HSDL2: variants seen among roughly 807,000 people sequenced by gnomAD.
HSDL2 encodes hydroxysteroid dehydrogenase-like protein 2.
Under a neutral mutation model 46.3 loss-of-function variants are expected in HSDL2, and 27 were observed. The ratio of observed to expected loss-of-function variants is 0.58; its 90% CI spans 0.43 to 0.80. The LOEUF (loss-of-function observed/expected upper bound fraction) is 0.80. HSDL2 is among the 30% of genes least tolerant of loss of function. The probability of loss-of-function intolerance (pLI) is 0.00; values close to 1 mark genes in which losing one functional copy is unlikely to be tolerated. For synonymous variants in HSDL2, 153 were observed against 163.6 expected, an observed-to-expected ratio of 0.94 and a Z score of 0.50; for missense variants, 451 against 502.7, an observed-to-expected ratio of 0.90 and a Z score of 0.98.
intron 8 of HSDL2, among the ~76,000 whole-genome samples, chr9:112,442,380 A>G (rs1419443152): frequency 2.0e-5 from 3 of 151,546 alleles, no homozygotes; most frequent in African/African-American, 7.3e-5. Flanking sequence ...TTTCTTTTGC[A>G]CTGTCTTTAG....
At chr9:112,449,407 T>G (rs1316449462) in intron 8 of HSDL2, among the ~76,000 whole-genome samples, 4 of 152,102 alleles carry the variant, frequency 2.6e-5, no homozygotes, top group Admixed American at 6.6e-5. Flanking sequence ...GTTTTAAAAA[T>G]TATTTTTCTT....
intron 1 of HSDL2, among the ~76,000 whole-genome samples, chr9:112,398,395 T>C (rs1375768158): frequency 6.6e-6 from 1 of 151,616 alleles, no homozygotes; most frequent in African/African-American, 2.4e-5. Flanking sequence ...AGGGAAGAGT[T>C]AGTATAGATA....
chr9:112,409,042 G>T (rs1234215535), intron 4 of HSDL2, 21 bp downstream of exon 4: 2 of 1,362,134 alleles, frequency 1.5e-6, no homozygotes, highest in Non-Finnish European at 1.0e-6. Context: ...AAGAAGAGTT[G>T]TTGGGGAGGA....
At position 112,429,237 on chromosome 9, in the gene HSDL2, A is replaced by G. The variant is rs147067807; in HGVS notation, c.599-9194A>G. Among the ~76,000 whole-genome samples, 566 of 152,270 alleles carry G rather than the reference A, an allele frequency of 3.7e-3. 6 individuals carry two copies. Among genetic ancestry groups the G allele is most frequent in the Middle Eastern group, 0.014 (4 of 294 alleles). ...ACATTCATTCATTTTCCAAACATTC[A>G]TTCTTACATGCCAGGCACAGTTCTC... On this transcript the variant is annotated intron_variant, in intron 6 of 10. Coordinates refer to ENST00000398805, the MANE Select transcript of HSDL2 (RefSeq NM_032303.5).
At chr9:112,461,428 A>G (rs148886834) in intron 10 of HSDL2, among the ~76,000 whole-genome samples, 219 of 152,294 alleles carry the variant, frequency 1.4e-3, no homozygotes, top group African/African-American at 5.1e-3. Flanking sequence ...TTCAACAACT[A>G]TTTCTCCATA....
intron 3 of HSDL2, among the ~76,000 whole-genome samples, chr9:112,406,978 T>C (rs1466121887): frequency 6.7e-6 from 1 of 149,190 alleles, no homozygotes; most frequent in Non-Finnish European, 1.5e-5. Context: ...TGGAGGACCA[T>C]ATGTACATGT....
chr9:112,439,259 A>G (rs1254005519), intron 7 of HSDL2, among the ~76,000 whole-genome samples: 3 of 152,206 alleles, frequency 2.0e-5, no homozygotes, highest in Non-Finnish European at 4.4e-5. Flanking sequence ...TGGCCTCCTA[A>G]AGTGTTAGGA....
At chr9:112,416,172 G>A (rs1424224560) in intron 4 of HSDL2, among the ~76,000 whole-genome samples, 1 of 151,714 alleles carries the variant, frequency 6.6e-6, no homozygotes, top group Non-Finnish European at 1.5e-5. Context: ...TACTTTGGGA[G>A]GCTGAGGCGG....
chr9:112,391,206 C>A (rs925195320), intron 1 of HSDL2, among the ~76,000 whole-genome samples: 1 of 132,810 alleles, frequency 7.5e-6, no homozygotes, highest in Non-Finnish European at 1.7e-5. Context: ...TAATAATTTT[C>A]TATAATCCCA....
intron 1 of HSDL2, among the ~76,000 whole-genome samples, chr9:112,382,589 T>G (rs952803706): frequency 1.3e-5 from 2 of 152,188 alleles, no homozygotes; most frequent in African/African-American, 4.8e-5. Context: ...TGGCATCTCG[T>G]GAGTAGAGTA....
chr9:112,381,224 A>G (rs971644007), intron 1 of HSDL2, among the ~76,000 whole-genome samples: 1 of 152,004 alleles, frequency 6.6e-6, no homozygotes, highest in East Asian at 1.9e-4. Context: ...GGGGTCTCCC[A>G]TGTTGCCCAG....
In HSDL2 at chr9:112,441,690, A is replaced by G; in HGVS notation, c.794-9A>G. On this transcript the variant is annotated splice_polypyrimidine_tract_variant and intron_variant, in intron 7 of 10. Transcript: ENST00000398805. Reference sequence around the variant, plus strand: ...ACATTAACCTAATGGTTTGGGGTCAATTTTTCAGGTCATCCTTTGCAACCA... The same window carrying G: ...ACATTAACCTAATGGTTTGGGGTCAGTTTTTCAGGTCATCCTTTGCAACCA... 1 of 1,607,898 alleles carries G rather than the reference A, an allele frequency of 6.2e-7. No homozygotes were observed. Among genetic ancestry groups the G allele is most frequent in the Non-Finnish European group, 8.5e-7 (1 of 1,174,708 alleles).
intron 4 of HSDL2, among the ~76,000 whole-genome samples, chr9:112,410,712 A>T (rs962131615): frequency 9.2e-5 from 14 of 152,190 alleles, no homozygotes; most frequent in African/African-American, 3.4e-4. Flanking sequence ...GGGTCACTTG[A>T]GCCCAGGAGT....
intron 6 of HSDL2, among the ~76,000 whole-genome samples, chr9:112,421,228 A>T (rs1289918431): frequency 2.0e-5 from 3 of 152,120 alleles, no homozygotes; most frequent in African/African-American, 7.2e-5. Context: ...TCGTGAGGCT[A>T]AGATTGTAGG....
At chr9:112,394,073 C>G (rs1292094617) in intron 1 of HSDL2, among the ~76,000 whole-genome samples, 2 of 152,132 alleles carry the variant, frequency 1.3e-5, no homozygotes, top group African/African-American at 2.4e-5. Context: ...GAAGAATTAT[C>G]ATAATGCCAA....
chr9:112,447,466 C>A (rs1587960404), intron 8 of HSDL2, among the ~76,000 whole-genome samples: 1 of 152,158 alleles, frequency 6.6e-6, no homozygotes, highest in African/African-American at 2.4e-5. Flanking sequence ...GACTAATATA[C>A]AAATCACCTG....
At chr9:112,408,770 G>T in intron 3 of HSDL2, 137 bp from the exon 4 acceptor site, 1 of 553,612 alleles carries the variant, frequency 1.8e-6, no homozygotes, top group Non-Finnish European at 3.2e-6. Flanking sequence ...TGCGTATATG[G>T]GCCATTGTTG....
intron 6 of HSDL2, among the ~76,000 whole-genome samples, chr9:112,424,177 C>T (rs1347360634): frequency 3.3e-5 from 5 of 151,576 alleles, no homozygotes; most frequent in South Asian, 2.1e-4. Context: ...AAAAATTAGC[C>T]GGGCATAGTG....
intron 10 of HSDL2, among the ~76,000 whole-genome samples, chr9:112,466,760 G>A (rs1390426264): frequency 6.6e-6 from 1 of 151,924 alleles, no homozygotes; most frequent in Non-Finnish European, 1.5e-5. Flanking sequence ...CCAAATCAAG[G>A]TTAGGAAGCT....
Sources: gnomAD v4.1 joint callset for allele counts (sites outside exome capture counted in the v4.1 genomes callset) on GRCh38, gnomAD v4.1.1 for gene constraint, MANE v1.5 for transcripts, NCBI Gene and HGNC (gene_info 2026-07-23, HGNC 2026-07-21) for gene names.